NCEH1: variants seen among roughly 807,000 people sequenced by gnomAD.
NCEH1 encodes the protein neutral cholesterol ester hydrolase 1.
A neutral mutation model predicts 25.4 loss-of-function variants in NCEH1; 9 were observed. That is an observed-to-expected ratio of 0.35 (90% CI 0.21 to 0.62). The LOEUF is 0.62. Among genes scored for constraint, NCEH1 ranks in the 20% least tolerant of loss-of-function variants. The pLI, the probability that NCEH1 is intolerant of heterozygous loss-of-function variation, is 0.72. For synonymous variants in NCEH1, 200 were observed against 199.8 expected, an observed-to-expected ratio of 1.00 and a Z score of -0.01; for missense variants, 412 against 501.1, an observed-to-expected ratio of 0.82 and a Z score of 1.70.
chr3:172,669,839 T>C (rs1244874662), intron 1 of NCEH1, among the ~76,000 whole-genome samples: 3 of 152,190 alleles, frequency 2.0e-5, no homozygotes, highest in African/African-American at 7.2e-5. Flanking sequence ...GTCCAGCTCA[T>C]ATCATTTTCA....
intron 1 of NCEH1, among the ~76,000 whole-genome samples, chr3:172,679,325 A>G (rs1577079029): frequency 6.6e-6 from 1 of 152,394 alleles, no homozygotes; most frequent in African/African-American, 2.4e-5. Context: ...GCAGATATTT[A>G]AGAATGTTAG....
intron 1 of NCEH1, among the ~76,000 whole-genome samples, chr3:172,655,286 G>A (rs990275627): frequency 1.3e-5 from 2 of 152,172 alleles, no homozygotes; most frequent in African/African-American, 4.8e-5. Context: ...CCAGGATCTA[G>A]GGGAAGAATT....
intron 1 of NCEH1, among the ~76,000 whole-genome samples, chr3:172,709,515 G>C (rs1714185887): frequency 6.6e-6 from 1 of 152,180 alleles, no homozygotes; most frequent in African/African-American, 2.4e-5. Flanking sequence ...TAGGAAGCAA[G>C]AGGAAAAGAA....
intron 1 of NCEH1, among the ~76,000 whole-genome samples, chr3:172,666,685 G>C (rs1718223257): frequency 1.3e-5 from 2 of 152,170 alleles, no homozygotes; most frequent in South Asian, 4.1e-4. Flanking sequence ...TCGGAGCGGT[G>C]AGTATGGAGC....
At chr3:172,657,708 C>T (rs1717764862) in intron 1 of NCEH1, among the ~76,000 whole-genome samples, 1 of 152,162 alleles carries the variant, frequency 6.6e-6, no homozygotes, top group African/African-American at 2.4e-5. Context: ...CTGTTTCTTA[C>T]AGGAAAAAAA....
intron 1 of NCEH1, among the ~76,000 whole-genome samples, chr3:172,664,444 T>G (rs1333072279): frequency 6.6e-6 from 1 of 152,186 alleles, no homozygotes. Flanking sequence ...TGTCTTGGGG[T>G]TGCTCTTCAC....
chr3:172,659,997 T>A (rs937693618), intron 1 of NCEH1, among the ~76,000 whole-genome samples: 19 of 152,206 alleles, frequency 1.2e-4, no homozygotes, highest in South Asian at 4.1e-4. Context: ...TTTTTTTTTT[T>A]TATACTTTAA....
At chr3:172,668,825 C>T (rs554276856) in intron 1 of NCEH1, among the ~76,000 whole-genome samples, 6 of 152,164 alleles carry the variant, frequency 3.9e-5, no homozygotes, top group African/African-American at 1.4e-4. Context: ...TATATATTTT[C>T]CCCCCAGAAG....
At chr3:172,639,156 G>A (rs1716735904) in intron 3 of NCEH1, among the ~76,000 whole-genome samples, 2 of 152,022 alleles carry the variant, frequency 1.3e-5, no homozygotes, top group South Asian at 2.1e-4. Flanking sequence ...AAAATTGCTG[G>A]GTGTGGTGGC....
chr3:172,694,378 A>ATATG (rs1553839159), intron 1 of NCEH1, among the ~76,000 whole-genome samples: 2 of 151,236 alleles, frequency 1.3e-5, no homozygotes, highest in African/African-American at 4.9e-5. Context: ...AGTTATATAT[A>ATATG]TGTGTGTGTG....
intron 1 of NCEH1, among the ~76,000 whole-genome samples, chr3:172,654,943 A>G (rs977787886): frequency 6.6e-6 from 1 of 152,226 alleles, no homozygotes; most frequent in Non-Finnish European, 1.5e-5. Context: ...AATTTAATTA[A>G]AATATTAATG....
chr3:172,666,206 T>C (rs1260404130), intron 1 of NCEH1, among the ~76,000 whole-genome samples: 1 of 152,196 alleles, frequency 6.6e-6, no homozygotes, highest in Non-Finnish European at 1.5e-5. Context: ...GTCCACCCAA[T>C]ATGGCAACTC....
chr3:172,682,930 GT>G (rs780922741), intron 1 of NCEH1, among the ~76,000 whole-genome samples: 4 of 152,218 alleles, frequency 2.6e-5, no homozygotes, highest in Non-Finnish European at 5.9e-5. Flanking sequence ...TGAAACAAAT[GT>G]TTGGGAAAAA....
chr3:172,668,601 C>A (rs1184170720), intron 1 of NCEH1, among the ~76,000 whole-genome samples: 1 of 151,910 alleles, frequency 6.6e-6, no homozygotes, highest in Admixed American at 6.6e-5. Context: ...TAGCTTCAGC[C>A]TTCATCAGCA....
chr3:172,635,299 G>T (rs568527034), intron 4 of NCEH1, among the ~76,000 whole-genome samples: 1 of 152,208 alleles, frequency 6.6e-6, no homozygotes, highest in African/African-American at 2.4e-5. Context: ...GAAATTTGGA[G>T]GTGAGAAGAC....
chr3:172,657,326 A>G (rs996170565), intron 1 of NCEH1, among the ~76,000 whole-genome samples: 1 of 152,176 alleles, frequency 6.6e-6, no homozygotes, highest in African/African-American at 2.4e-5. Context: ...CTCAAAATTA[A>G]TATGGCCTAC....
intron 3 of NCEH1, among the ~76,000 whole-genome samples, chr3:172,644,638 C>T (rs1717030725): frequency 6.6e-6 from 1 of 152,200 alleles, no homozygotes; most frequent in Non-Finnish European, 1.5e-5. Context: ...AATTTCCTCA[C>T]TTATGAAAAA....
At chr3:172,649,929 A>G (rs1339646519) in intron 1 of NCEH1, among the ~76,000 whole-genome samples, 2 of 152,250 alleles carry the variant, frequency 1.3e-5, no homozygotes, top group Non-Finnish European at 2.9e-5. Context: ...GACAAATTAC[A>G]TGAGTTTCTT....
chr3:172,677,529 G>T (rs954460335), intron 1 of NCEH1, among the ~76,000 whole-genome samples: 4 of 151,960 alleles, frequency 2.6e-5, no homozygotes, highest in Non-Finnish European at 5.9e-5. Context: ...ATGTCACAAG[G>T]ACTTGTGATA....
Sources: allele counts gnomAD v4.1 joint callset (sites outside exome capture counted in the v4.1 genomes callset), GRCh38; gene constraint gnomAD v4.1.1; transcripts MANE v1.5; gene names NCBI Gene and HGNC (gene_info 2026-07-23, HGNC 2026-07-21).